Variants in EFCAB11 observed in about 807,000 individuals in gnomAD.
EFCAB11 encodes EF-hand calcium-binding domain-containing protein 11.
Under a neutral mutation model 23.0 loss-of-function variants are expected in EFCAB11, and 14 were observed. The observed-to-expected ratio is 0.61, with a 90% CI of 0.40 to 0.95. EFCAB11 has a LOEUF of 0.95. Among genes scored for constraint, EFCAB11 ranks in the 40% least tolerant of loss-of-function variants. The pLI is 0.00. For synonymous variants in EFCAB11, 65 were observed against 66.6 expected (o/e 0.98, Z 0.11); for missense variants, 198 against 195.8 (o/e 1.01, Z -0.07).
intron 5 of EFCAB11, among the ~76,000 whole-genome samples, chr14:89,894,693 G>A (rs1344333991): frequency 6.6e-6 from 1 of 152,052 alleles, no homozygotes; most frequent in African/African-American, 2.4e-5. Context: ...AATGATATAA[G>A]GATTGGAACG....
At chr14:89,933,167 T>G (rs1890455789) in intron 3 of EFCAB11, among the ~76,000 whole-genome samples, 1 of 152,190 alleles carries the variant, frequency 6.6e-6, no homozygotes, top group Non-Finnish European at 1.5e-5. Context: ...TCTCCAGCCC[T>G]GGATACGCCC....
chr14:89,895,247 T>C (rs556755256), intron 5 of EFCAB11, among the ~76,000 whole-genome samples: 20 of 152,320 alleles, frequency 1.3e-4, no homozygotes, highest in Admixed American at 1.2e-3. Flanking sequence ...GAAAAATATA[T>C]TTATGAATAG....
intron 5 of EFCAB11, among the ~76,000 whole-genome samples, chr14:89,886,834 A>T (rs1263531869): frequency 6.6e-6 from 1 of 152,190 alleles, no homozygotes; most frequent in Non-Finnish European, 1.5e-5. Flanking sequence ...ATTCTCAGAG[A>T]CAGCCCAAAG....
intron 2 of EFCAB11, chr14:89,952,490 G>A (rs1891206849): frequency 2.0e-6 from 2 of 985,370 alleles, no homozygotes; most frequent in Non-Finnish European, 2.4e-6. Context: ...GTAAACAGGA[G>A]AGCTGCCATT....
intron 5 of EFCAB11, among the ~76,000 whole-genome samples, chr14:89,871,642 C>T (rs188910238): frequency 6.6e-6 from 1 of 152,278 alleles, no homozygotes; most frequent in Admixed American, 6.5e-5. Flanking sequence ...GCCAGTTTTC[C>T]CATGTTACTA....
rs1038286791 is a variant in EFCAB11 at position 89,892,162 on chromosome 14, G to T, written c.410+39379C>A. The T allele has an allele frequency of 1.1e-5, 17 of 1,569,508 alleles. No individual in the cohort carries two copies. The Admixed American group carries it at 3.0e-4, about 28-fold the overall frequency. ...AGGGCCCGGACAAGGTCATCTTCCT[G>T]CTGGTTGGCCACAAGAGTGACCTGC... is the stretch of plus-strand genomic sequence containing the variant. On this transcript the variant is annotated intron_variant, in intron 5 of 5. Coordinates refer to ENST00000316738, the MANE Select transcript of EFCAB11 (RefSeq NM_145231.4).
At chr14:89,809,646 C>T (rs1886085938) in intron 5 of EFCAB11, among the ~76,000 whole-genome samples, 1 of 152,182 alleles carries the variant, frequency 6.6e-6, no homozygotes, top group East Asian at 1.9e-4. Context: ...GACGCACAGT[C>T]ACCAAGTGCA....
chr14:89,862,192 C>T (rs1407362678), intron 5 of EFCAB11, among the ~76,000 whole-genome samples: 7 of 152,060 alleles, frequency 4.6e-5, no homozygotes, highest in African/African-American at 1.4e-4. Flanking sequence ...TGCAGCTCTG[C>T]CAAAGTTCAC....
intron 5 of EFCAB11, among the ~76,000 whole-genome samples, chr14:89,891,206 C>T (rs909319520): frequency 3.3e-5 from 5 of 152,140 alleles, no homozygotes; most frequent in Non-Finnish European, 7.4e-5. Flanking sequence ...CGGTGAGCTC[C>T]AGAAAGTTGA....
chr14:89,815,084 AC>A (rs1886287869), intron 5 of EFCAB11, among the ~76,000 whole-genome samples: 1 of 152,118 alleles, frequency 6.6e-6, no homozygotes, highest in Admixed American at 6.5e-5. Context: ...GTTAGCTTAA[AC>A]TTTTCACAGT....
intron 5 of EFCAB11, among the ~76,000 whole-genome samples, chr14:89,903,347 C>G (rs1399844284): frequency 6.6e-6 from 1 of 152,108 alleles, no homozygotes; most frequent in Non-Finnish European, 1.5e-5. Context: ...AAAAAATATT[C>G]CACTTTCATA....
rs72285203 is a variant in EFCAB11, at chr14:89,842,597, AATATGATATGATATG to A, written c.411-45288_411-45274del. ...CTCAAAAAATAAATTAATATGATAT[AATATGATATGATATG>A]ATATGATATGATATGATATGATATG... On this transcript the variant is annotated intron_variant, in intron 5 of 5. Transcript: ENST00000316738. 5.0e-3 allele frequency among the ~76,000 whole-genome samples: 352 copies of A among 70,808 alleles called. 4 individuals carry two copies. The Middle Eastern group carries it at 0.068, about 14-fold the overall frequency. The allele number at this position is 70,808 out of a possible 152,430, so 46.5% of individuals were successfully genotyped here.
In EFCAB11 at chr14:89,950,039, C is replaced by A. The variant is rs1417372528; in HGVS notation, c.217+58G>T. The A allele has an allele frequency of 4.8e-6, 7 of 1,466,548 alleles. No homozygotes were observed. In the East Asian group the frequency reaches 7.7e-5, roughly 16 times the overall value. The allele number at this position is 1,466,548 out of a possible 1,614,324, so 90.8% of individuals were successfully genotyped here. A position where few individuals can be genotyped will look rare whatever the true frequency, so the allele number is the denominator to read the frequency against. ...AGATGAGACTGATGTAGGGACACAG[C>A]CAAGCCATCTCAGTGTCTAAATAAG... On this transcript the variant is annotated intron_variant, in intron 3 of 5. Coordinates refer to ENST00000316738, the MANE Select transcript of EFCAB11 (RefSeq NM_145231.4).
At chr14:89,837,097 C>T (rs1387582756) in intron 5 of EFCAB11, 1 of 456,770 alleles carries the variant, frequency 2.2e-6, no homozygotes, top group Non-Finnish European at 4.4e-6. Flanking sequence ...GGTTTTTAGA[C>T]TTCTGGTCAA....
chr14:89,926,822 C>T (rs1434795325), intron 5 of EFCAB11, among the ~76,000 whole-genome samples: 2 of 152,070 alleles, frequency 1.3e-5, no homozygotes, highest in African/African-American at 4.8e-5. Context: ...TCTTATGACC[C>T]CTACTTGAGG....
At chr14:89,895,776 A>G (rs1889133174) in intron 5 of EFCAB11, among the ~76,000 whole-genome samples, 1 of 152,244 alleles carries the variant, frequency 6.6e-6, no homozygotes, top group African/African-American at 2.4e-5. Context: ...CCCTCTAACT[A>G]TGACAAAGAT....
chr14:89,944,979 A>G (rs985172924), intron 3 of EFCAB11, among the ~76,000 whole-genome samples: 1 of 105,450 alleles, frequency 9.5e-6, no homozygotes, highest in African/African-American at 3.8e-5. Flanking sequence ...TCTAATAATA[A>G]ATCTAATAAA....
intron 5 of EFCAB11, among the ~76,000 whole-genome samples, chr14:89,893,510 C>T (rs1023226546): frequency 3.9e-5 from 6 of 152,156 alleles, no homozygotes; most frequent in African/African-American, 1.4e-4. Context: ...TTCAGCTTGC[C>T]CCACTCTCTG....
intron 5 of EFCAB11, among the ~76,000 whole-genome samples, chr14:89,914,115 T>C (rs1474347442): frequency 6.6e-6 from 1 of 152,198 alleles, no homozygotes; most frequent in African/African-American, 2.4e-5. Flanking sequence ...CATGGAAACA[T>C]CCCAGGGTAG....
Sources: allele counts gnomAD v4.1 joint callset (sites outside exome capture counted in the v4.1 genomes callset), GRCh38; gene constraint gnomAD v4.1.1; transcripts MANE v1.5; gene names NCBI Gene and HGNC (gene_info 2026-07-23, HGNC 2026-07-21).